LRP1B: variants seen among roughly 807,000 people sequenced by gnomAD.
LRP1B encodes the protein LDL receptor related protein 1B, also known as low-density lipoprotein receptor-related protein 1B.
Under a neutral mutation model 556.6 loss-of-function variants are expected in LRP1B, and 217 were observed. That is an observed-to-expected ratio of 0.39 (90% CI 0.35 to 0.44). LRP1B has a LOEUF of 0.44. Ranked by LOEUF, LRP1B falls within the 20% of genes least tolerant of loss-of-function variation. LRP1B has a pLI of 1.00. For synonymous variants in LRP1B, 2,047 were observed against 1,865.8 expected, an observed-to-expected ratio of 1.10 and a Z score of -2.50; for missense variants, 5,053 against 5,620.8, an observed-to-expected ratio of 0.90 and a Z score of 3.23.
At chr2:140,399,485 G>A (rs1048103516) in intron 66 of LRP1B, among the ~76,000 whole-genome samples, 6 of 151,780 alleles carry the variant, frequency 4.0e-5, no homozygotes, top group African/African-American at 1.5e-4. Flanking sequence ...TCCTCCCTAT[G>A]CCCCAAATAT....
chr2:141,879,635 C>T (rs1432918461), intron 1 of LRP1B, among the ~76,000 whole-genome samples: 2 of 128,356 alleles, frequency 1.6e-5, no homozygotes, highest in Non-Finnish European at 3.3e-5. Flanking sequence ...GTCTTTCATT[C>T]CTACACCTAG....
chr2:141,462,902 TAAAC>T (rs1056903835), intron 3 of LRP1B, among the ~76,000 whole-genome samples: 2 of 152,172 alleles, frequency 1.3e-5, no homozygotes, highest in Non-Finnish European at 2.9e-5. Context: ...AACATGATCA[TAAAC>T]AATAGCAATT....
intron 28 of LRP1B, 29 bp downstream of exon 28, chr2:140,851,623 A>G (rs769583062): frequency 3.0e-5 from 48 of 1,591,420 alleles, no homozygotes; most frequent in Non-Finnish European, 3.7e-5. Context: ...TTTTGTTTTT[A>G]TTTTCGATTA....
At chr2:141,160,785 A>C (rs2105110724) in intron 7 of LRP1B, among the ~76,000 whole-genome samples, 1 of 152,148 alleles carries the variant, frequency 6.6e-6, no homozygotes, top group Admixed American at 6.5e-5. Context: ...GGGAAATATG[A>C]GAATTTTTTT....
intron 9 of LRP1B, among the ~76,000 whole-genome samples, chr2:141,056,803 C>G (rs536537348): frequency 6.6e-6 from 1 of 151,990 alleles, no homozygotes; most frequent in African/African-American, 2.4e-5. Flanking sequence ...CTTCCCCCTT[C>G]AACTCCAGAG....
chr2:141,628,285 G>A (rs1688774844), intron 2 of LRP1B, among the ~76,000 whole-genome samples: 1 of 152,144 alleles, frequency 6.6e-6, no homozygotes, highest in South Asian at 2.1e-4. Flanking sequence ...GATTAATAGA[G>A]ATGAAGGTAA....
At chr2:142,016,855 T>C (rs1330635522) in intron 1 of LRP1B, among the ~76,000 whole-genome samples, 3 of 149,548 alleles carry the variant, frequency 2.0e-5, no homozygotes, top group African/African-American at 7.3e-5. Context: ...TATGTATATA[T>C]ATACACACAC....
At chr2:140,715,052 G>A (rs1416380806) in intron 37 of LRP1B, among the ~76,000 whole-genome samples, 2 of 152,030 alleles carry the variant, frequency 1.3e-5, no homozygotes, top group Non-Finnish European at 2.9e-5. Flanking sequence ...GGCAAAGGCT[G>A]GAAGTGGAAT....
At chr2:141,425,413 A>C (rs1456025634) in intron 3 of LRP1B, among the ~76,000 whole-genome samples, 1 of 150,174 alleles carries the variant, frequency 6.7e-6, no homozygotes, top group Non-Finnish European at 1.5e-5. Flanking sequence ...AGCATGACTT[A>C]TATTCCTTTG....
chr2:141,427,704 G>A (rs1428112967), intron 3 of LRP1B, among the ~76,000 whole-genome samples: 1 of 151,868 alleles, frequency 6.6e-6, no homozygotes, highest in South Asian at 2.1e-4. Context: ...GACTTTGGTT[G>A]GTTGGTTAAT....
intron 7 of LRP1B, among the ~76,000 whole-genome samples, chr2:141,134,779 G>A (rs1205747082): frequency 6.6e-6 from 1 of 150,486 alleles, no homozygotes; most frequent in Non-Finnish European, 1.5e-5. Context: ...AATATATCAT[G>A]GATAAGCTTC....
intron 41 of LRP1B, among the ~76,000 whole-genome samples, chr2:140,605,543 CT>C (rs1682835605): frequency 7.0e-6 from 1 of 142,110 alleles, no homozygotes; most frequent in Admixed American, 7.4e-5. Context: ...CTTTTCTTTC[CT>C]TTTCTTTATT....
rs955635495 is a variant in LRP1B, at chr2:140,492,440, G to T, written c.9120+168C>A. Among the ~76,000 whole-genome samples, 4 of 152,122 alleles carry T rather than the reference G, an allele frequency of 2.6e-5. No homozygotes were observed. In the East Asian group the frequency reaches 5.8e-4, roughly 22 times the overall value. ...TTACTATTACACAGTTTGAGGCAAA[G>T]ATAAATTTGGAGCAGAACAGATACA... On this transcript the variant is annotated intron_variant, in intron 57 of 90. Transcript: ENST00000389484.
chr2:140,525,482 C>A (rs1690391883), intron 49 of LRP1B, among the ~76,000 whole-genome samples: 1 of 151,772 alleles, frequency 6.6e-6, no homozygotes, highest in African/African-American at 2.4e-5. Context: ...CTGAGTAAGG[C>A]CAGTCGTAAG....
At chr2:140,644,230 C>T (rs1337394565) in intron 41 of LRP1B, among the ~76,000 whole-genome samples, 2 of 152,010 alleles carry the variant, frequency 1.3e-5, no homozygotes, top group South Asian at 2.1e-4. Context: ...CAGTAGCTTA[C>T]ATTGTTATAA....
rs758134771 is a variant in LRP1B, at chr2:140,233,150, T to G, written c.*36A>C. On this transcript the variant is annotated 3_prime_UTR_variant, in exon 91 of 91. Transcript: ENST00000389484. The stretch of plus-strand genomic sequence containing the variant: ...AACATACAAAAGTAATCCTTATATT[T>G]TATACATTTATACAGCATATAAAAG... The G allele has an allele frequency of 7.3e-7, 1 of 1,368,400 alleles. No homozygotes were observed. Among genetic ancestry groups the G allele is most frequent in the Non-Finnish European group, 1.0e-6 (1 of 995,152 alleles). The allele number at this position is 1,368,400 out of a possible 1,614,324, so 84.8% of individuals were successfully genotyped here.
chr2:140,712,564 T>G (rs1430932696), intron 37 of LRP1B, among the ~76,000 whole-genome samples: 1 of 151,996 alleles, frequency 6.6e-6, no homozygotes, highest in Non-Finnish European at 1.5e-5. Flanking sequence ...TTATTTCCCC[T>G]TTGCCTATGA....
chr2:141,050,412 T>C (rs1432012986), intron 10 of LRP1B, among the ~76,000 whole-genome samples: 3 of 152,054 alleles, frequency 2.0e-5, no homozygotes, highest in Non-Finnish European at 4.4e-5. Flanking sequence ...ACATGCACCA[T>C]GGTGGTTTGC....
intron 77 of LRP1B, among the ~76,000 whole-genome samples, chr2:140,349,649 CT>C (rs1473571152): frequency 1.3e-5 from 2 of 151,992 alleles, no homozygotes; most frequent in Non-Finnish European, 2.9e-5. Flanking sequence ...AAGATTCAAA[CT>C]CAGCCAAGGT....
Sources: gnomAD v4.1 joint callset for allele counts (sites outside exome capture counted in the v4.1 genomes callset) on GRCh38, gnomAD v4.1.1 for gene constraint, MANE v1.5 for transcripts, NCBI Gene and HGNC (gene_info 2026-07-23, HGNC 2026-07-21) for gene names.